The following ASTN2 variants were observed in gnomAD, a reference collection of about 807,000 sequenced individuals.
The protein encoded by ASTN2 is astrotactin-2.
Under a neutral mutation model 139.8 loss-of-function variants are expected in ASTN2, and 54 were observed. The observed-to-expected ratio is 0.39, with a 90% CI of 0.31 to 0.48. ASTN2 has a LOEUF of 0.48. ASTN2 is among the 20% of genes least tolerant of loss of function. The pLI is 0.95. For missense variants in ASTN2, 1,565 were observed against 1,725.1 expected, an observed-to-expected ratio of 0.91 and a Z score of 1.64; for synonymous variants, 756 against 719.5, an observed-to-expected ratio of 1.05 and a Z score of -0.81.
intron 19 of ASTN2, among the ~76,000 whole-genome samples, chr9:116,594,890 C>G (rs1343980542): frequency 6.6e-6 from 1 of 152,174 alleles, no homozygotes; most frequent in East Asian, 1.9e-4. Context: ...GCACATCCCC[C>G]TCAAGTTTTT....
intron 1 of ASTN2, among the ~76,000 whole-genome samples, chr9:117,345,626 A>G (rs1227103725): frequency 1.3e-5 from 2 of 152,122 alleles, no homozygotes; most frequent in South Asian, 2.1e-4. Context: ...ACAAAAACAA[A>G]TGCAGGTTAC....
chr9:116,841,319 T>C (rs1173263246), intron 11 of ASTN2, among the ~76,000 whole-genome samples: 2 of 152,152 alleles, frequency 1.3e-5, no homozygotes, highest in Non-Finnish European at 2.9e-5. Context: ...TGAGCCGAGA[T>C]GGCAGCAGTA....
At chr9:116,689,391 A>G (rs1188788133) in intron 16 of ASTN2, among the ~76,000 whole-genome samples, 1 of 152,244 alleles carries the variant, frequency 6.6e-6, no homozygotes, top group Non-Finnish European at 1.5e-5. Flanking sequence ...GATCTGGCAC[A>G]TAGTAAGTTC....
intron 19 of ASTN2, among the ~76,000 whole-genome samples, chr9:116,524,570 ACT>A (rs1462100902): frequency 6.6e-6 from 1 of 151,850 alleles, no homozygotes; most frequent in Non-Finnish European, 1.5e-5. Context: ...TGACCCTTAA[ACT>A]CTCTGAGTCT....
rs1847266491 is a variant in ASTN2 at position 116,424,986 on chromosome 9, C to T, written c.*865G>A. 6.6e-6 allele frequency among the ~76,000 whole-genome samples: 1 copy of T among 152,128 alleles called. No homozygotes were observed. Among genetic ancestry groups the T allele is most frequent in the Admixed American group, 6.5e-5 (1 of 15,278 alleles). On this transcript the variant is annotated 3_prime_UTR_variant, in exon 23 of 23. Coordinates refer to ENST00000313400, the MANE Select transcript of ASTN2 (RefSeq NM_001365068.1). The stretch of plus-strand genomic sequence containing the variant: ...TCAAGGAAGCATTTCAGGAGCCCTC[C>T]AGTGTGTCTCATGCTCTAACAGTGA...
intron 20 of ASTN2, among the ~76,000 whole-genome samples, chr9:116,474,216 G>A (rs2119024255): frequency 6.6e-6 from 1 of 152,298 alleles, no homozygotes; most frequent in Admixed American, 6.5e-5. Flanking sequence ...TAGTACCAGA[G>A]AGCAGCAGGT....
At chr9:117,053,317 T>C (rs1483006720) in intron 5 of ASTN2, among the ~76,000 whole-genome samples, 1 of 151,970 alleles carries the variant, frequency 6.6e-6, no homozygotes, top group Non-Finnish European at 1.5e-5. Context: ...CTGGATGTGG[T>C]TGTGCATACC....
chr9:116,508,838 A>G, intron 19 of ASTN2, among the ~76,000 whole-genome samples: 1 of 152,146 alleles, frequency 6.6e-6, no homozygotes, highest in East Asian at 1.9e-4. Context: ...AAGTGTTTCC[A>G]TTGAAGGAAG....
intron 17 of ASTN2, among the ~76,000 whole-genome samples, chr9:116,627,307 G>A (rs1013897958): frequency 1.3e-5 from 2 of 152,150 alleles, no homozygotes; most frequent in African/African-American, 2.4e-5. Flanking sequence ...TATCCCAGAA[G>A]CTAGAGGGCT....
intron 2 of ASTN2, among the ~76,000 whole-genome samples, chr9:117,257,786 T>A (rs10124394): frequency 1 from 151,734 of 152,308 alleles, 75,582 homozygotes; most frequent in Middle Eastern, 1. Context: ...ATTCCAGGAG[T>A]GGACTAAATG....
intron 7 of ASTN2, among the ~76,000 whole-genome samples, chr9:116,979,769 C>T (rs1836457069): frequency 6.6e-6 from 1 of 151,998 alleles, no homozygotes; most frequent in Admixed American, 6.6e-5. Context: ...AAGGAGGATC[C>T]CTCTTGTTTA....
intron 19 of ASTN2, among the ~76,000 whole-genome samples, chr9:116,495,691 A>T (rs1849646860): frequency 6.6e-6 from 1 of 152,222 alleles, no homozygotes; most frequent in South Asian, 2.1e-4. Context: ...CACAGATCTA[A>T]ATCAAGTAGT....
intron 2 of ASTN2, among the ~76,000 whole-genome samples, chr9:117,268,607 G>A (rs1833989583): frequency 6.6e-6 from 1 of 152,112 alleles, no homozygotes; most frequent in African/African-American, 2.4e-5. Context: ...CCTTCATCTG[G>A]GAATAAAGAT....
At chr9:117,079,457 G>A (rs1828367764) in intron 5 of ASTN2, among the ~76,000 whole-genome samples, 1 of 152,120 alleles carries the variant, frequency 6.6e-6, no homozygotes, top group East Asian at 1.9e-4. Context: ...CCAAAGTTAG[G>A]TATTTATTAT....
At chr9:117,124,053 T>G (rs1215047992) in intron 4 of ASTN2, among the ~76,000 whole-genome samples, 1 of 152,158 alleles carries the variant, frequency 6.6e-6, no homozygotes, top group Non-Finnish European at 1.5e-5. Context: ...GGATACATTT[T>G]CATCTCTGTG....
intron 1 of ASTN2, among the ~76,000 whole-genome samples, chr9:117,358,288 AC>A (rs1564164059): frequency 1.3e-5 from 2 of 151,862 alleles, no homozygotes; most frequent in East Asian, 3.9e-4. Context: ...ACACACACAC[AC>A]ACACACATAC....
intron 2 of ASTN2, among the ~76,000 whole-genome samples, chr9:117,273,599 C>T (rs144229804): frequency 9.9e-4 from 150 of 152,254 alleles, no homozygotes; most frequent in Admixed American, 1.6e-3. Context: ...GCCAAAAAGA[C>T]GGGGCCATGC....
chr9:116,615,774 A>C (rs1482792151), intron 19 of ASTN2, among the ~76,000 whole-genome samples: 3 of 152,030 alleles, frequency 2.0e-5, no homozygotes, highest in African/African-American at 7.3e-5. Context: ...TACCTAATGT[A>C]AATGATGAGT....
intron 1 of ASTN2, among the ~76,000 whole-genome samples, chr9:117,295,529 C>G (rs1340772693): frequency 1.3e-5 from 2 of 151,928 alleles, no homozygotes; most frequent in African/African-American, 2.4e-5. Flanking sequence ...CACTGAGTTA[C>G]ATACATATAT....
Sources: allele counts gnomAD v4.1 joint callset (sites outside exome capture counted in the v4.1 genomes callset), GRCh38; gene constraint gnomAD v4.1.1; transcripts MANE v1.5; gene names NCBI Gene and HGNC (gene_info 2026-07-23, HGNC 2026-07-21).